Variants in GAD2 observed in about 807,000 individuals in gnomAD.
The protein encoded by GAD2 is glutamate decarboxylase 2, also known as 65 kDa glutamic acid decarboxylase.
Under a neutral mutation model 80.1 loss-of-function variants are expected in GAD2, and 22 were observed. The ratio of observed to expected loss-of-function variants is 0.27; its 90% CI spans 0.20 to 0.39. The LOEUF is 0.39. Among genes scored for constraint, GAD2 ranks in the 10% least tolerant of loss-of-function variants. The pLI, the probability that GAD2 is intolerant of heterozygous loss-of-function variation, is 1.00. For missense variants in GAD2, 624 were observed against 738.4 expected (o/e 0.85, Z 1.80); for synonymous variants, 274 against 256.9 (o/e 1.07, Z -0.64).
chr10:26,286,613 T>G, intron 13 of GAD2, 119 bp downstream of exon 13: 1 of 1,015,162 alleles, frequency 9.9e-7, no homozygotes, highest in Non-Finnish European at 1.4e-6. Flanking sequence ...AAGATTTGCT[T>G]TCTTTAAACT....
At chr10:26,220,108 C>T (rs1844434605) in intron 4 of GAD2, among the ~76,000 whole-genome samples, 1 of 152,150 alleles carries the variant, frequency 6.6e-6, no homozygotes, top group Admixed American at 6.5e-5. Context: ...CATTCATCTG[C>T]CCAGGTCTTG....
rs535553517 is a variant in GAD2 at position 26,240,996 on chromosome 10, C to T, written c.841-4925C>T. Among the ~76,000 whole-genome samples, 81 of 151,740 alleles carry T rather than the reference C, an allele frequency of 5.3e-4. 2 individuals carry two copies. Among genetic ancestry groups the T allele is most frequent in the Admixed American group, 5.9e-4 (9 of 15,264 alleles). On this transcript the variant is annotated intron_variant, in intron 7 of 15. Coordinates refer to ENST00000376261, the MANE Select transcript of GAD2 (RefSeq NM_001134366.2). ...AGCGGAGCTTGCAGTGAGCTGAGATCGTGCCACTGCACTCCAGCCTGGGCG... is the reference window on the plus strand; with the variant it reads ...AGCGGAGCTTGCAGTGAGCTGAGATTGTGCCACTGCACTCCAGCCTGGGCG...
chr10:26,225,337 A>C (rs1169094197), intron 6 of GAD2, among the ~76,000 whole-genome samples: 2 of 152,234 alleles, frequency 1.3e-5, no homozygotes, highest in Admixed American at 6.5e-5. Context: ...AACCTGAAAC[A>C]AAAAGCTGTG....
chr10:26,286,239 C>A (rs1414356118), intron 12 of GAD2, 106 bp from the exon 13 acceptor site: 1 of 991,746 alleles, frequency 1.0e-6, no homozygotes, highest in Non-Finnish European at 1.5e-6. Context: ...TTTTCTTTCT[C>A]TAAGATATGC....
chr10:26,231,895 T>G (rs1844607083), intron 7 of GAD2, among the ~76,000 whole-genome samples: 1 of 152,178 alleles, frequency 6.6e-6, no homozygotes, highest in Non-Finnish European at 1.5e-5. Flanking sequence ...TTTCCACCTG[T>G]GGCTCTCCTG....
At chr10:26,275,160 C>T (rs1845184495) in intron 11 of GAD2, among the ~76,000 whole-genome samples, 1 of 152,212 alleles carries the variant, frequency 6.6e-6, no homozygotes, top group Non-Finnish European at 1.5e-5. Context: ...AGAGAGAGAA[C>T]AACTTGGAAG....
chr10:26,240,354 AT>A (rs888268754), intron 7 of GAD2, among the ~76,000 whole-genome samples: 45 of 152,130 alleles, frequency 3.0e-4, no homozygotes, highest in African/African-American at 8.7e-4. Context: ...AAGCCTGCTT[AT>A]TTTTTTAATT....
intron 6 of GAD2, among the ~76,000 whole-genome samples, chr10:26,228,914 G>A (rs569059049): frequency 5.2e-4 from 79 of 152,272 alleles, no homozygotes; most frequent in African/African-American, 1.9e-3. Context: ...ATTAGGCCAG[G>A]CGTGGTGGCT....
rs8190655 is a variant in GAD2 at position 26,242,335 on chromosome 10, T to C, written c.841-3586T>C. On this transcript the variant is annotated intron_variant, in intron 7 of 15. Coordinates refer to ENST00000376261, the MANE Select transcript of GAD2 (RefSeq NM_001134366.2). ...TCCAGAGAACCCTCTAGGTTCTCTC[T>C]AAACACCTGCTTTCCAGCCTTCTCA... Among the ~76,000 whole-genome samples, 79 of 152,220 alleles carry C rather than the reference T, an allele frequency of 5.2e-4. 4 individuals are homozygous for C. The South Asian group carries it at 0.015, about 29-fold the overall frequency.
intron 12 of GAD2, 130 bp downstream of exon 12, chr10:26,281,217 C>A: frequency 1.7e-6 from 1 of 592,850 alleles, no homozygotes; most frequent in Non-Finnish European, 2.9e-6. Context: ...CCCAGAGAGC[C>A]CTTTCTAGAT....
chr10:26,239,680 G>T (rs2132283216), intron 7 of GAD2, among the ~76,000 whole-genome samples: 1 of 152,340 alleles, frequency 6.6e-6, no homozygotes, highest in African/African-American at 2.4e-5. Flanking sequence ...GTGGTAGTCA[G>T]CTACTTTACA....
intron 7 of GAD2, among the ~76,000 whole-genome samples, chr10:26,244,736 G>T (rs1251331135): frequency 3.3e-5 from 5 of 152,166 alleles, no homozygotes; most frequent in African/African-American, 1.2e-4. Context: ...GGGAGAATGA[G>T]GAGTTGTTTA....
intron 13 of GAD2, among the ~76,000 whole-genome samples, chr10:26,291,460 C>A (rs1211968026): frequency 2.1e-5 from 3 of 144,874 alleles, no homozygotes; most frequent in Non-Finnish European, 4.4e-5. Context: ...CATTTGATAT[C>A]TCCAGGGCAG....
chr10:26,281,842 A>C (rs577687837), intron 12 of GAD2, among the ~76,000 whole-genome samples: 2 of 152,292 alleles, frequency 1.3e-5, no homozygotes, highest in African/African-American at 4.8e-5. Context: ...TGTTGATGAA[A>C]CCCAAATAAG....
In GAD2 at chr10:26,217,644, G is replaced by C. The variant is rs1443332382; in HGVS notation, c.111G>C (p.Thr37=). The change falls in exon 2 of 16, where the codon ACG becomes ACC. Residue 37 remains threonine, a synonymous_variant. Transcript: ENST00000376261. This position sits in a 1 kb window ranked among gnomAD's most constrained non-coding sequence, Gnocchi z 4.9. ...GGTGCCAAGTGGCTCAGAAGTTCACGGGCGGCATCGGAAACAAACTGTGCG... is the reference window on the plus strand; with the variant it reads ...GGTGCCAAGTGGCTCAGAAGTTCACCGGCGGCATCGGAAACAAACTGTGCG... ...RAWCQVAQKF[T]GGIGNKLCAL... is the part of the protein sequence containing the mutation. The C allele has an allele frequency of 6.8e-6, 11 of 1,613,564 alleles. No individual in the cohort carries two copies. The East Asian group carries it at 2.5e-4, about 36-fold the overall frequency.
At chr10:26,251,800 T>C (rs2368159) in intron 8 of GAD2, among the ~76,000 whole-genome samples, 56,822 of 152,144 alleles carry the variant, frequency 0.37, 12,329 homozygotes, top group African/African-American at 0.61. Context: ...CTATTAGCTA[T>C]ATGGCATCTT....
At chr10:26,257,414 C>A (rs1844957203) in intron 8 of GAD2, among the ~76,000 whole-genome samples, 1 of 152,288 alleles carries the variant, frequency 6.6e-6, no homozygotes, top group South Asian at 2.1e-4. Flanking sequence ...GCACCTTCTT[C>A]CACTCATTCT....
At chr10:26,240,270 G>A (rs1481347687) in intron 7 of GAD2, among the ~76,000 whole-genome samples, 2 of 152,276 alleles carry the variant, frequency 1.3e-5, no homozygotes, top group East Asian at 1.9e-4. Flanking sequence ...AGGGATGGGC[G>A]CTGCCCTCTC....
At chr10:26,218,953 A>G (rs1479908064) in intron 3 of GAD2, 90 bp from the exon 4 acceptor site, 1 of 963,782 alleles carries the variant, frequency 1.0e-6, no homozygotes, top group Non-Finnish European at 1.5e-6. Flanking sequence ...AAATCTCTCA[A>G]TTCAAAGAAA....
Sources: allele counts gnomAD v4.1 joint callset (sites outside exome capture counted in the v4.1 genomes callset), GRCh38; gene constraint gnomAD v4.1.1; non-coding constraint Gnocchi (gnomAD v3.1); transcripts MANE v1.5; gene names NCBI Gene and HGNC (gene_info 2026-07-23, HGNC 2026-07-21).